Variants in MEIS2 observed in about 807,000 individuals in gnomAD.
MEIS2 encodes the protein Meis homeobox 2, also known as homeobox protein Meis2.
MEIS2 carries 9 observed loss-of-function variants against 58.6 expected under a neutral mutation model. That is an observed-to-expected ratio of 0.15 (90% CI 0.09 to 0.27). The LOEUF is 0.27. Among genes scored for constraint, MEIS2 ranks in the 10% least tolerant of loss-of-function variants. The pLI is 1.00. For missense variants in MEIS2, 427 were observed against 635.0 expected, an observed-to-expected ratio of 0.67 and a Z score of 3.52; for synonymous variants, 221 against 228.4, an observed-to-expected ratio of 0.97 and a Z score of 0.29.
intron 9 of MEIS2, among the ~76,000 whole-genome samples, chr15:36,908,211 G>T (rs2056834670): frequency 6.6e-6 from 1 of 152,154 alleles, no homozygotes; most frequent in African/African-American, 2.4e-5. Context: ...GTGGCATTCT[G>T]TATCTTCTCC....
intron 8 of MEIS2, among the ~76,000 whole-genome samples, chr15:37,032,541 CTGTT>C (rs902766967): frequency 3.3e-5 from 5 of 152,120 alleles, no homozygotes; most frequent in Admixed American, 6.5e-5. Context: ...AAGTTTTTGT[CTGTT>C]TGTTTGTTTG....
chr15:36,909,653 A>T (rs886185949), intron 9 of MEIS2, among the ~76,000 whole-genome samples: 1 of 152,166 alleles, frequency 6.6e-6, no homozygotes, highest in East Asian at 1.9e-4. Flanking sequence ...TAAAGGTGCG[A>T]ATCTATCTGG....
At chr15:37,029,019 C>A (rs1349419109) in intron 8 of MEIS2, among the ~76,000 whole-genome samples, 1 of 152,096 alleles carries the variant, frequency 6.6e-6, no homozygotes, top group Non-Finnish European at 1.5e-5. Context: ...AATAAATCAC[C>A]CAGCATTGTA....
chr15:37,018,065 A>G (rs1342636516), intron 8 of MEIS2, among the ~76,000 whole-genome samples: 8 of 152,196 alleles, frequency 5.3e-5, no homozygotes, highest in Admixed American at 5.2e-4. Flanking sequence ...TATTATCATT[A>G]TCCCTATTTT....
chr15:37,025,664 TG>T (rs2061677436), intron 8 of MEIS2, among the ~76,000 whole-genome samples: 1 of 150,506 alleles, frequency 6.6e-6, no homozygotes, highest in African/African-American at 2.5e-5. Flanking sequence ...TAAATAAGCA[TG>T]GGGGTATTTG....
At chr15:36,980,538 T>C (rs1471047170) in intron 8 of MEIS2, among the ~76,000 whole-genome samples, 1 of 152,072 alleles carries the variant, frequency 6.6e-6, no homozygotes, top group African/African-American at 2.4e-5. Flanking sequence ...AGACTTACTA[T>C]CATGGGAAAC....
At position 36,934,704 on chromosome 15, in the gene MEIS2, T is replaced by G. The variant is rs2058100415; in HGVS notation, c.977+15620A>C. On this transcript the variant is annotated intron_variant, in intron 9 of 11. Transcript: ENST00000561208. ...ATGCTGTCATGCAGTGAAATTTACC[T>G]GAGAGCTAAAGGGAGAAAGAAAAAT... Among the ~76,000 whole-genome samples the G allele has an allele frequency of 2.0e-5, 3 of 152,246 alleles. No individual in the cohort carries two copies. In the South Asian group the frequency reaches 6.2e-4, roughly 31 times the overall value.
Position 36,910,847 on chromosome 15 carries a change from C to G in MEIS2, c.978-14161G>C, listed in dbSNP as rs527706414. Among the ~76,000 whole-genome samples the G allele has an allele frequency of 2.6e-5, 4 of 152,174 alleles. No individual in the cohort carries two copies. The East Asian group carries it at 7.8e-4, about 30-fold the overall frequency. On this transcript the variant is annotated intron_variant, in intron 9 of 11. Coordinates refer to ENST00000561208, the MANE Select transcript of MEIS2 (RefSeq NM_170675.5). Reference sequence around the variant, plus strand: ...GGATCACGAGGTCAGGAGTTCAAGCCCAGCCTGGCCAACATAGTGAAACCC... The same window carrying G: ...GGATCACGAGGTCAGGAGTTCAAGCGCAGCCTGGCCAACATAGTGAAACCC...
At chr15:36,995,365 G>A (rs1473527241) in intron 8 of MEIS2, among the ~76,000 whole-genome samples, 1 of 151,918 alleles carries the variant, frequency 6.6e-6, no homozygotes, top group Non-Finnish European at 1.5e-5. Context: ...AATGAACTAT[G>A]AAAGTGCCTA....
At chr15:36,991,199 T>A (rs1378827587) in intron 8 of MEIS2, among the ~76,000 whole-genome samples, 2 of 151,824 alleles carry the variant, frequency 1.3e-5, no homozygotes, top group Non-Finnish European at 2.9e-5. Flanking sequence ...CATCAAGCAA[T>A]CCATAGAGTG....
intron 8 of MEIS2, among the ~76,000 whole-genome samples, chr15:37,019,921 C>T (rs772685774): frequency 5.3e-5 from 8 of 152,052 alleles, no homozygotes; most frequent in Non-Finnish European, 8.8e-5. Flanking sequence ...AAACAGCTTG[C>T]GATGCTGTTT....
intron 9 of MEIS2, among the ~76,000 whole-genome samples, chr15:36,912,147 T>G (rs1465267942): frequency 7.0e-6 from 1 of 143,060 alleles, no homozygotes; most frequent in African/African-American, 2.6e-5. Flanking sequence ...AAATACATTT[T>G]AGGTGCACAC....
chr15:37,039,349 A>T lies in MEIS2; in HGVS notation c.755-2390T>A, dbSNP rs937455092. On this transcript the variant is annotated intron_variant, in intron 7 of 11. Coordinates refer to ENST00000561208, the MANE Select transcript of MEIS2 (RefSeq NM_170675.5). The stretch of plus-strand genomic sequence containing the variant: ...GCCTGTGTGTATATATTTCTTTCTA[A>T]GCACATATGGTTTCTGTGTATATGT... Among the ~76,000 whole-genome samples, 17 of 152,318 alleles carry T rather than the reference A, an allele frequency of 1.1e-4. No homozygotes were observed. In the South Asian group the frequency reaches 3.5e-3, roughly 32 times the overall value.
intron 8 of MEIS2, among the ~76,000 whole-genome samples, chr15:37,035,566 CT>C (rs1170718136): frequency 5.9e-5 from 9 of 152,186 alleles, no homozygotes; most frequent in African/African-American, 2.2e-4. Context: ...GTGCAGGGCC[CT>C]GACCTTTGAA....
intron 8 of MEIS2, among the ~76,000 whole-genome samples, chr15:37,016,065 C>A (rs6495888): frequency 0.41 from 62,875 of 151,702 alleles, 14,577 homozygotes; most frequent in East Asian, 0.62. Flanking sequence ...CAGGAAAAAA[C>A]AAATTTTGAT....
chr15:36,995,706 TAAAAAAAAA>T (rs71821151), intron 8 of MEIS2, among the ~76,000 whole-genome samples: 3 of 4,122 alleles, frequency 7.3e-4, no homozygotes, highest in Non-Finnish European at 1.1e-3. Flanking sequence ...TTACAGCTAC[TAAAAAAAAA>T]AAAAAAAAAA....
At chr15:36,975,683 G>A (rs1401363700) in intron 8 of MEIS2, among the ~76,000 whole-genome samples, 1 of 152,016 alleles carries the variant, frequency 6.6e-6, no homozygotes, top group East Asian at 1.9e-4. Flanking sequence ...TGTTTTGGCT[G>A]GCACACAATA....
chr15:36,926,036 C>T (rs748980221), intron 9 of MEIS2, among the ~76,000 whole-genome samples: 15 of 152,182 alleles, frequency 9.9e-5, no homozygotes, highest in Non-Finnish European at 1.3e-4. Context: ...TTTCCCTTTC[C>T]TATCCAGCCC....
chr15:37,054,847 T>C (rs1596026072), intron 7 of MEIS2, among the ~76,000 whole-genome samples: 1 of 152,256 alleles, frequency 6.6e-6, no homozygotes, highest in Non-Finnish European at 1.5e-5. Flanking sequence ...ATGATTAGCG[T>C]ACATTCTATT....
Sources: allele counts gnomAD v4.1 joint callset (sites outside exome capture counted in the v4.1 genomes callset), GRCh38; gene constraint gnomAD v4.1.1; transcripts MANE v1.5; gene names NCBI Gene and HGNC (gene_info 2026-07-23, HGNC 2026-07-21).